NPNT: variants seen among roughly 807,000 people sequenced by gnomAD.
NPNT encodes preosteoblast EGF-like repeat protein with MAM domain.
In NPNT, 45 loss-of-function variants were observed where a neutral mutation model predicts 68.6. The ratio of observed to expected loss-of-function variants is 0.66; its 90% confidence interval spans 0.52 to 0.84. The LOEUF is 0.84. NPNT is among the 40% of genes least tolerant of loss of function. The pLI is 0.00. For synonymous variants in NPNT, 233 were observed against 253.3 expected (o/e 0.92, Z 0.76); for missense variants, 672 against 714.8 (o/e 0.94, Z 0.68).
chr4:105,932,848 CCT>C (rs1056344791), intron 3 of NPNT: 1 of 569,842 alleles, frequency 1.8e-6, no homozygotes, highest in African/African-American at 1.9e-5. Context: ...GGAATTGCCA[CCT>C]GGTGCTGATT....
intron 7 of NPNT, among the ~76,000 whole-genome samples, chr4:105,941,385 C>G (rs1411508353): frequency 6.6e-6 from 1 of 151,974 alleles, no homozygotes; most frequent in Non-Finnish European, 1.5e-5. Flanking sequence ...TTTATTTCCT[C>G]TACATTCAGA....
At chr4:105,963,628 G>A (rs1340061353) in intron 10 of NPNT, among the ~76,000 whole-genome samples, 3 of 151,764 alleles carry the variant, frequency 2.0e-5, no homozygotes, top group Non-Finnish European at 4.4e-5. Context: ...CCCTTCTCCT[G>A]TGTGTGTCAA....
At chr4:105,941,641 A>C (rs1025583596) in intron 7 of NPNT, among the ~76,000 whole-genome samples, 1 of 152,150 alleles carries the variant, frequency 6.6e-6, no homozygotes, top group African/African-American at 2.4e-5. Flanking sequence ...CAGATTAAAT[A>C]TTGATTCTTT....
chr4:105,971,460 A>G lies in NPNT; in HGVS notation c.*2470A>G. On this transcript the variant is annotated 3_prime_UTR_variant, in exon 12 of 12. Coordinates refer to ENST00000379987, the MANE Select transcript of NPNT (RefSeq NM_001033047.3). ...GGTTCATTTCCTTTATGGTCATATA[A>G]CTGCACAGCTGAAGATGAAAGGGGA... is the stretch of plus-strand genomic sequence containing the variant. 1 of 192,852 alleles carries G rather than the reference A, an allele frequency of 5.2e-6. No homozygotes were observed. The highest frequency in any genetic ancestry group is 9.9e-5 in the South Asian group (1 of 10,110). The allele number at this position is 192,852 out of a possible 1,614,324, so 11.9% of individuals were successfully genotyped here.
chr4:105,934,991 C>T (rs1477627382), intron 3 of NPNT, among the ~76,000 whole-genome samples: 1 of 152,222 alleles, frequency 6.6e-6, no homozygotes, highest in Non-Finnish European at 1.5e-5. Context: ...GCTGCCCCAA[C>T]TGGGCTTCAG....
chr4:105,898,073 A>C lies in NPNT; in HGVS notation c.172+72A>C, dbSNP rs1726024571. On this transcript the variant is annotated intron_variant, in intron 2 of 11. Transcript: ENST00000379987. Reference sequence around the variant, plus strand: ...TCCACCTTGTTCATGGCTTCACCCCACATATCAGAGGGTTCATTACTGAGC... The same window carrying C: ...TCCACCTTGTTCATGGCTTCACCCCCCATATCAGAGGGTTCATTACTGAGC... The C allele has an allele frequency of 4.9e-6, 5 of 1,023,318 alleles. No individual in the cohort carries two copies. In the Admixed American group the frequency reaches 1.2e-4, roughly 24 times the overall value. 63.4% of individuals were successfully genotyped at this position (1,023,318 alleles called of 1,614,324 possible).
At chr4:105,904,456 TC>T (rs1726708434) in intron 2 of NPNT, among the ~76,000 whole-genome samples, 1 of 152,152 alleles carries the variant, frequency 6.6e-6, no homozygotes, top group African/African-American at 2.4e-5. Flanking sequence ...CCCTTTTCTT[TC>T]CCAAGAAATC....
At chr4:105,943,555 G>A (rs867396121) in intron 8 of NPNT, among the ~76,000 whole-genome samples, 4 of 152,198 alleles carry the variant, frequency 2.6e-5, no homozygotes, top group African/African-American at 9.7e-5. Context: ...AATGGAGATA[G>A]AGGATTCAGG....
intron 10 of NPNT, among the ~76,000 whole-genome samples, chr4:105,960,654 A>C (rs1024839832): frequency 6.6e-6 from 1 of 152,188 alleles, no homozygotes; most frequent in African/African-American, 2.4e-5. Context: ...CAGTACTCTC[A>C]GTCATTCTTG....
intron 8 of NPNT, among the ~76,000 whole-genome samples, chr4:105,958,135 T>G (rs1731384975): frequency 6.6e-6 from 1 of 152,212 alleles, no homozygotes; most frequent in Admixed American, 6.5e-5. Context: ...TTCGTAGAGA[T>G]GAACTTTAGA....
At chr4:105,916,221 CT>C (rs113837315) in intron 2 of NPNT, among the ~76,000 whole-genome samples, 1,566 of 146,286 alleles carry the variant, frequency 0.011, 28 homozygotes, top group African/African-American at 0.035. Context: ...TGAATTCGTA[CT>C]TTTTTTTTTT....
At chr4:105,913,945 T>C (rs1371787477) in intron 2 of NPNT, among the ~76,000 whole-genome samples, 1 of 152,110 alleles carries the variant, frequency 6.6e-6, no homozygotes, top group East Asian at 1.9e-4. Context: ...TTCCTGTAAT[T>C]TATCCGTATA....
intron 2 of NPNT, among the ~76,000 whole-genome samples, chr4:105,915,379 C>T (rs560628005): frequency 9.2e-5 from 14 of 151,730 alleles, no homozygotes; most frequent in Admixed American, 2.0e-4. Context: ...AGGGCAGTGG[C>T]GGGGGGGCAC....
chr4:105,919,745 A>G (rs946985350), intron 2 of NPNT, among the ~76,000 whole-genome samples: 1 of 152,088 alleles, frequency 6.6e-6, no homozygotes, highest in Non-Finnish European at 1.5e-5. Flanking sequence ...ATCATCTGTT[A>G]TGATATTCCT....
At chr4:105,931,984 T>C (rs973754607) in intron 3 of NPNT, among the ~76,000 whole-genome samples, 1 of 152,228 alleles carries the variant, frequency 6.6e-6, no homozygotes, top group Non-Finnish European at 1.5e-5. Flanking sequence ...TCACCCATCT[T>C]ATATTTTGGT....
chr4:105,909,316 TGA>T (rs999613513), intron 2 of NPNT, among the ~76,000 whole-genome samples: 3 of 152,180 alleles, frequency 2.0e-5, no homozygotes, highest in African/African-American at 7.2e-5. Flanking sequence ...TCTCTTGGGT[TGA>T]GTTTTTACAT....
intron 10 of NPNT, among the ~76,000 whole-genome samples, chr4:105,959,777 C>G (rs1021528043): frequency 6.7e-6 from 1 of 149,828 alleles, no homozygotes; most frequent in Admixed American, 6.6e-5. Context: ...CTTCTAGATT[C>G]AAGATAGCTT....
chr4:105,964,875 C>G (rs1731996378), intron 10 of NPNT, among the ~76,000 whole-genome samples: 1 of 152,150 alleles, frequency 6.6e-6, no homozygotes, highest in South Asian at 2.1e-4. Flanking sequence ...ATACTTGCAG[C>G]AATGCAAAGT....
In NPNT at chr4:105,900,626, C is replaced by T. The variant is rs999005192; in HGVS notation, c.172+2625C>T. 1.1e-4 allele frequency among the ~76,000 whole-genome samples: 16 copies of T among 152,244 alleles called. No individual in the cohort carries two copies. In the East Asian group the frequency reaches 1.2e-3, roughly 11 times the overall value. On this transcript the variant is annotated intron_variant, in intron 2 of 11. Coordinates refer to ENST00000379987, the MANE Select transcript of NPNT (RefSeq NM_001033047.3). Reference sequence around the variant, plus strand: ...TATGTCTAAGCAGAGCCAGATATAGCTGGGAAACTTTATATCCTTCCCTCT... The same window carrying T: ...TATGTCTAAGCAGAGCCAGATATAGTTGGGAAACTTTATATCCTTCCCTCT...
Sources: allele counts gnomAD v4.1 joint callset (sites outside exome capture counted in the v4.1 genomes callset), GRCh38; gene constraint gnomAD v4.1.1; transcripts MANE v1.5; gene names NCBI Gene and HGNC (gene_info 2026-07-23, HGNC 2026-07-21).